The following DLGAP2 variants were observed in gnomAD, a reference collection of about 807,000 sequenced individuals.
DLGAP2 encodes the protein disks large-associated protein 2.
In DLGAP2, 26 loss-of-function variants were observed where a neutral mutation model predicts 100.3. The observed-to-expected ratio is 0.26, with a 90% CI of 0.19 to 0.36. The LOEUF is 0.36. Among genes scored for constraint, DLGAP2 ranks in the 10% least tolerant of loss-of-function variants. The pLI, the probability that DLGAP2 is intolerant of heterozygous loss-of-function variation, is 1.00. For synonymous variants in DLGAP2, 886 were observed against 630.1 expected, an observed-to-expected ratio of 1.41 and a Z score of -6.08; for missense variants, 1,858 against 1,453.2, an observed-to-expected ratio of 1.28 and a Z score of -4.53.
intron 3 of DLGAP2, among the ~76,000 whole-genome samples, chr8:1,418,583 A>T (rs1797001683): frequency 6.6e-6 from 1 of 152,106 alleles, no homozygotes; most frequent in East Asian, 1.9e-4. Flanking sequence ...ACGACACTCC[A>T]CTCCGACGCC....
chr8:787,996 T>C (rs531018564), intron 1 of DLGAP2, among the ~76,000 whole-genome samples: 2 of 152,298 alleles, frequency 1.3e-5, no homozygotes, highest in South Asian at 4.1e-4. Context: ...TGGCTCAGGA[T>C]TCTAGGCAGT....
chr8:1,425,127 A>G (rs62484242), intron 3 of DLGAP2, among the ~76,000 whole-genome samples: 12,604 of 152,278 alleles, frequency 0.083, 899 homozygotes, highest in East Asian at 0.36. Flanking sequence ...TTAAAATTAT[A>G]TTTCAGCACT....
At chr8:839,977 C>T (rs1234229074) in intron 1 of DLGAP2, among the ~76,000 whole-genome samples, 6 of 151,192 alleles carry the variant, frequency 4.0e-5, no homozygotes, top group Admixed American at 2.0e-4. Context: ...ATTGTGTGAG[C>T]GCGTCCACAC....
At chr8:1,044,528 G>A (rs142083311) in intron 2 of DLGAP2, among the ~76,000 whole-genome samples, 41 of 152,376 alleles carry the variant, frequency 2.7e-4, no homozygotes, top group African/African-American at 7.9e-4. Context: ...TGCTTTGCCA[G>A]TTTGGGATCA....
intron 4 of DLGAP2, among the ~76,000 whole-genome samples, chr8:1,536,486 A>T (rs1428140837): frequency 6.6e-6 from 1 of 152,164 alleles, no homozygotes; most frequent in Non-Finnish European, 1.5e-5. Flanking sequence ...GTGAACGAAA[A>T]GATCTTCCTT....
chr8:1,332,202 G>C (rs1204816498), intron 3 of DLGAP2, among the ~76,000 whole-genome samples: 1 of 152,142 alleles, frequency 6.6e-6, no homozygotes. Flanking sequence ...TATTTGCATT[G>C]TGTGCTTGTG....
intron 3 of DLGAP2, among the ~76,000 whole-genome samples, chr8:1,489,781 G>T (rs1197989415): frequency 6.6e-6 from 1 of 152,178 alleles, no homozygotes; most frequent in Non-Finnish European, 1.5e-5. Flanking sequence ...CTCACGTAAC[G>T]TTACGATGGG....
At chr8:1,377,729 C>A (rs1259788976) in intron 3 of DLGAP2, 1 of 152,108 alleles carries the variant, frequency 6.6e-6, no homozygotes, top group African/African-American at 2.4e-5. Flanking sequence ...CCTCCCAATA[C>A]CATATAATAT....
rs1454224320 is a variant in DLGAP2 at position 1,103,451 on chromosome 8, G to A, written c.74-155400G>A. ...GGGCTTTGGTTAACGGTGATGACTG[G>A]CGGGGCCTTGGTTAACGTTGATGAC... On this transcript the variant is annotated intron_variant, in intron 2 of 14. Coordinates refer to ENST00000637795, the MANE Select transcript of DLGAP2 (RefSeq NM_001346810.2). Among the ~76,000 whole-genome samples the A allele has an allele frequency of 4.0e-5, 6 of 149,834 alleles. 1 individual carries two copies. Among genetic ancestry groups the A allele is most frequent in the African/African-American group, 1.3e-4 (5 of 39,842 alleles).
chr8:998,691 T>TGCCCTAGGAGGGCATGC (rs1563135736), intron 2 of DLGAP2, among the ~76,000 whole-genome samples: 1 of 152,194 alleles, frequency 6.6e-6, no homozygotes, highest in Non-Finnish European at 1.5e-5. Flanking sequence ...GCTTCACGAT[T>TGCCCTAGGAGGGCATGC]TCTTCCTAGG....
intron 3 of DLGAP2, among the ~76,000 whole-genome samples, chr8:1,284,549 TG>T (rs1254263694): frequency 1.3e-5 from 2 of 152,208 alleles, no homozygotes; most frequent in Non-Finnish European, 2.9e-5. Context: ...CAGTGTTGCC[TG>T]TTTCTCTCAA....
rs1406913064 is a variant in DLGAP2, at chr8:1,019,542, C to T, written c.73+111576C>T. ...AAAGAGAGGGGCAGAGCGACTTCAC[C>T]GTCTGTCGTCATCTGGTGGTGGAAA... On this transcript the variant is annotated intron_variant, in intron 2 of 14. Transcript: ENST00000637795. The T allele has an allele frequency of 4.0e-5, 6 of 151,724 alleles. No individual in the cohort carries two copies. The East Asian group carries it at 5.8e-4, about 15-fold the overall frequency. The allele number at this position is 151,724 out of a possible 1,614,324, so 9.4% of individuals were successfully genotyped here.
chr8:988,054 C>G lies in DLGAP2; in HGVS notation c.73+80088C>G, dbSNP rs112470465. 2.1e-3 allele frequency among the ~76,000 whole-genome samples: 320 copies of G among 152,270 alleles called. 4 individuals carry two copies. The highest frequency in any genetic ancestry group is 7.3e-3 in the African/African-American group (305 of 41,572). ...CATGTGCACCTGACTGGGGAGGAAA[C>G]TGTCTAAAGGGGCCTAGCATGGTTC... On this transcript the variant is annotated intron_variant, in intron 2 of 14. Transcript: ENST00000637795.
intron 6 of DLGAP2, among the ~76,000 whole-genome samples, chr8:1,586,499 AG>A (rs1021048184): frequency 5.9e-5 from 9 of 152,134 alleles, no homozygotes; most frequent in Non-Finnish European, 1.3e-4. Context: ...CTGCGCTGAG[AG>A]GGGGCCTGCC....
chr8:1,032,149 C>T (rs1801992751), intron 2 of DLGAP2, among the ~76,000 whole-genome samples: 1 of 152,242 alleles, frequency 6.6e-6, no homozygotes, highest in Non-Finnish European at 1.5e-5. Flanking sequence ...CAGAGTCAGC[C>T]AGGACGGCGC....
At chr8:1,180,776 G>A (rs988101465) in intron 2 of DLGAP2, among the ~76,000 whole-genome samples, 3 of 152,008 alleles carry the variant, frequency 2.0e-5, no homozygotes, top group African/African-American at 7.2e-5. Flanking sequence ...AGTTACTGTC[G>A]AGTGTGTGTG....
chr8:1,070,114 A>C (rs1803381746), intron 2 of DLGAP2, among the ~76,000 whole-genome samples: 1 of 152,208 alleles, frequency 6.6e-6, no homozygotes, highest in African/African-American at 2.4e-5. Flanking sequence ...TACTTGAGGA[A>C]AACCTGAGAA....
intron 2 of DLGAP2, among the ~76,000 whole-genome samples, chr8:941,649 G>C (rs1799198651): frequency 6.6e-6 from 1 of 152,124 alleles, no homozygotes; most frequent in Non-Finnish European, 1.5e-5. Context: ...CAATCTGCCA[G>C]CCACAGCGAA....
At chr8:1,509,412 TTGGGTGTGTGCGTG>T (rs1177903572) in intron 4 of DLGAP2, among the ~76,000 whole-genome samples, 1 of 152,114 alleles carries the variant, frequency 6.6e-6, no homozygotes, top group Non-Finnish European at 1.5e-5. Context: ...GAAACATTTT[TTGGGTGTGTGCGTG>T]TGGGTGTGTG....
Sources: allele counts gnomAD v4.1 joint callset (sites outside exome capture counted in the v4.1 genomes callset), GRCh38; gene constraint gnomAD v4.1.1; transcripts MANE v1.5; gene names NCBI Gene and HGNC (gene_info 2026-07-23, HGNC 2026-07-21).